ATPAF1: variants seen among roughly 807,000 people sequenced by gnomAD.
The protein encoded by ATPAF1 is ATP synthase mitochondrial F1 complex assembly factor 1.
ATPAF1 carries 26 observed loss-of-function variants against 43.9 expected under a neutral mutation model. The ratio of observed to expected loss-of-function variants is 0.59; its 90% CI spans 0.43 to 0.82. The LOEUF is 0.82. ATPAF1 is among the 40% of genes least tolerant of loss of function. The probability of loss-of-function intolerance (pLI) is 0.00; values close to 1 mark genes in which losing one functional copy is unlikely to be tolerated. For synonymous variants in ATPAF1, 157 were observed against 168.0 expected (o/e 0.93, Z 0.50); for missense variants, 366 against 435.0 (o/e 0.84, Z 1.41).
intron 6 of ATPAF1, among the ~76,000 whole-genome samples, chr1:46,647,230 A>G (rs957771924): frequency 2.6e-5 from 4 of 152,178 alleles, no homozygotes; most frequent in African/African-American, 9.7e-5. Flanking sequence ...TCCCCAAGAT[A>G]TAAGACATAT....
upstream of ATPAF1, chr1:46,668,400 G>C (rs1676533807): frequency 8.4e-7 from 1 of 1,187,780 alleles, no homozygotes; most frequent in East Asian, 3.8e-5. The surrounding 1 kb of genome is among the most constrained non-coding windows in gnomAD (Gnocchi z 4.4). Flanking sequence ...ATCCCGCTCC[G>C]AGTGCGCCGC....
intron 7 of ATPAF1, among the ~76,000 whole-genome samples, chr1:46,644,625 T>C (rs905335377): frequency 4.7e-5 from 7 of 148,512 alleles, no homozygotes; most frequent in African/African-American, 7.9e-5. Flanking sequence ...ATTTAAAATA[T>C]TGACTTTTAT....
chr1:46,641,226 A>T (rs1163675394), intron 8 of ATPAF1, among the ~76,000 whole-genome samples: 2 of 151,774 alleles, frequency 1.3e-5, no homozygotes, highest in Admixed American at 6.6e-5. Flanking sequence ...TACAAGGTGC[A>T]TGCCACCACG....
chr1:46,645,962 C>G (rs568795500), intron 6 of ATPAF1, among the ~76,000 whole-genome samples: 1 of 152,246 alleles, frequency 6.6e-6, no homozygotes, highest in Non-Finnish European at 1.5e-5. Context: ...ATCACTTGAG[C>G]TCAGGAGTTT....
intron 1 of ATPAF1, among the ~76,000 whole-genome samples, chr1:46,666,917 T>C (rs1022566852): frequency 6.6e-6 from 1 of 152,230 alleles, no homozygotes; most frequent in Non-Finnish European, 1.5e-5. Flanking sequence ...GTATTCAAAG[T>C]ACAAGTAGAC....
At chr1:46,638,104 C>G (rs1675874751) in intron 8 of ATPAF1, among the ~76,000 whole-genome samples, 1 of 152,230 alleles carries the variant, frequency 6.6e-6, no homozygotes, top group African/African-American at 2.4e-5. Context: ...CAGCCCCTGG[C>G]TACAGGGCCT....
At chr1:46,668,425 A>ACCGAGGTTCCGCGCGC, upstream of ATPAF1, 1 of 1,107,890 alleles carries the variant, frequency 9.0e-7, no homozygotes, top group Non-Finnish European at 1.1e-6. The surrounding 1 kb of genome is among the most constrained non-coding windows in gnomAD (Gnocchi z 4.4). Context: ...GCGCTCCGGC[A>ACCGAGGTTCCGCGCGC]CCGAGGTTCC....
intron 4 of ATPAF1, among the ~76,000 whole-genome samples, chr1:46,654,449 G>A (rs924540144): frequency 6.6e-6 from 1 of 151,662 alleles, no homozygotes; most frequent in Admixed American, 6.6e-5. Context: ...AATAATGTTA[G>A]CTTTTGTTAG....
chr1:46,641,420 C>T (rs1426363588), intron 8 of ATPAF1, among the ~76,000 whole-genome samples: 5 of 152,188 alleles, frequency 3.3e-5, no homozygotes, highest in Non-Finnish European at 7.4e-5. Context: ...TGTTTTCTTT[C>T]TCATATTTGA....
intron 6 of ATPAF1, among the ~76,000 whole-genome samples, chr1:46,650,810 T>C (rs1202638869): frequency 3.3e-5 from 4 of 122,196 alleles, no homozygotes; most frequent in Non-Finnish European, 7.1e-5. Flanking sequence ...TGTTGGAAGC[T>C]AAAAAAAAAA....
At position 46,668,182 on chromosome 1, in the gene ATPAF1, GA is replaced by G; in HGVS notation, c.140del (p.Phe47SerfsTer88). 7.1e-7 allele frequency: 1 copy of G among 1,402,912 alleles called. No individual in the cohort carries two copies. The highest frequency in any genetic ancestry group is 9.3e-7 in the Non-Finnish European group (1 of 1,078,886). 86.9% of individuals were successfully genotyped at this position (1,402,912 alleles called of 1,614,324 possible). A position where few individuals can be genotyped will look rare whatever the true frequency, so the allele number is the denominator to read the frequency against. On this transcript the variant is annotated frameshift_variant, in exon 1 of 9. Transcript: ENST00000574428. LOFTEE classifies it high-confidence loss of function. The surrounding 1 kb of genome is among the most constrained non-coding windows in gnomAD (Gnocchi z 4.4). ...GCCGGCCCGAGCCGGGGCGCACTGG[GA>G]AGACGCGCAGCTGCGCGGGTGACAC... is the stretch of plus-strand genomic sequence containing the variant.
intron 2 of ATPAF1, among the ~76,000 whole-genome samples, chr1:46,659,304 T>G (rs551356166): frequency 3.9e-5 from 6 of 152,352 alleles, no homozygotes; most frequent in Admixed American, 1.3e-4. Context: ...CTCAGTAAAC[T>G]ATCATCTACT....
chr1:46,635,886 T>C (rs774866580), exon 9 of ATPAF1: 2 of 1,614,188 alleles, frequency 1.2e-6, no homozygotes, highest in South Asian at 2.2e-5. Context: ...AGGTTAAAGG[T>C]CTCCACTAAC....
chr1:46,651,487 T>C (rs959400357), intron 6 of ATPAF1, among the ~76,000 whole-genome samples: 4 of 152,208 alleles, frequency 2.6e-5, no homozygotes, highest in African/African-American at 9.6e-5. Flanking sequence ...TATAGCAGCA[T>C]GATTTATAGT....
intron 2 of ATPAF1, 47 bp downstream of exon 2, chr1:46,665,209 T>C (rs1253897930): frequency 6.3e-7 from 1 of 1,585,092 alleles, no homozygotes; most frequent in South Asian, 1.1e-5. Context: ...GTAAGGAGGG[T>C]GAAGGAGTGC....
chr1:46,663,295 C>T (rs1040571050), intron 2 of ATPAF1, among the ~76,000 whole-genome samples: 1 of 152,166 alleles, frequency 6.6e-6, no homozygotes, highest in Non-Finnish European at 1.5e-5. Context: ...TGGGTATATA[C>T]CCAGTAATGG....
chr1:46,651,823 A>G (rs530251042), intron 6 of ATPAF1, among the ~76,000 whole-genome samples: 28 of 152,270 alleles, frequency 1.8e-4, no homozygotes, highest in African/African-American at 6.7e-4. Flanking sequence ...ATGAACTCAA[A>G]CAAATTTACA....
At chr1:46,646,093 T>C (rs1387498613) in intron 6 of ATPAF1, among the ~76,000 whole-genome samples, 1 of 152,234 alleles carries the variant, frequency 6.6e-6, no homozygotes, top group East Asian at 1.9e-4. Flanking sequence ...GAGGACTGAT[T>C]GAGCCCAGGA....
chr1:46,637,018 C>T (rs1675853449), intron 8 of ATPAF1, among the ~76,000 whole-genome samples: 1 of 152,180 alleles, frequency 6.6e-6, no homozygotes, highest in Non-Finnish European at 1.5e-5. Flanking sequence ...AGACCCTGAG[C>T]CAGAACCACT....
Sources: allele counts gnomAD v4.1 joint callset (sites outside exome capture counted in the v4.1 genomes callset), GRCh38; gene constraint gnomAD v4.1.1; non-coding constraint Gnocchi (gnomAD v3.1); transcripts MANE v1.5; gene names NCBI Gene and HGNC (gene_info 2026-07-23, HGNC 2026-07-21).